The following SNX6 variants were observed in gnomAD, a reference collection of about 807,000 sequenced individuals.
SNX6 encodes sorting nexin-6.
Under a neutral mutation model 63.0 loss-of-function variants are expected in SNX6, and 34 were observed. The observed-to-expected ratio is 0.54, with a 90% CI of 0.41 to 0.72. SNX6 has a LOEUF of 0.72. Among genes scored for constraint, SNX6 ranks in the 30% least tolerant of loss-of-function variants. SNX6 has a pLI of 0.00. For synonymous variants in SNX6, 170 were observed against 164.2 expected (o/e 1.04, Z -0.27); for missense variants, 398 against 471.4 (o/e 0.84, Z 1.44).
At chr14:34,626,392 C>T (rs922341750) in intron 2 of SNX6, among the ~76,000 whole-genome samples, 4 of 151,650 alleles carry the variant, frequency 2.6e-5, no homozygotes, top group South Asian at 2.1e-4. Flanking sequence ...CGGTGGCTCA[C>T]GCCTGTAATT....
chr14:34,594,937 C>T (rs1225266235), intron 7 of SNX6, among the ~76,000 whole-genome samples: 1 of 151,790 alleles, frequency 6.6e-6, no homozygotes, highest in East Asian at 2.0e-4. Flanking sequence ...ACAAAAAATA[C>T]AAAAATTAGC....
intron 2 of SNX6, 38 bp downstream of exon 2, chr14:34,629,869 G>A: frequency 6.4e-7 from 1 of 1,551,000 alleles, no homozygotes; most frequent in Non-Finnish European, 8.7e-7. Context: ...GGGAAGGAGG[G>A]TCCAGGGTCC....
rs115416430 is a variant in SNX6, at chr14:34,615,091, T to C, written c.55-5349A>G. On this transcript the variant is annotated intron_variant, in intron 2 of 13. Coordinates refer to ENST00000362031, the MANE Select transcript of SNX6 (RefSeq NM_152233.4). Reference sequence around the variant, plus strand: ...TTTCTCTTCCATTTCCTTATCCTTCTATACTAAATATACTGTTTCCCTTTA... The same window carrying C: ...TTTCTCTTCCATTTCCTTATCCTTCCATACTAAATATACTGTTTCCCTTTA... Among the ~76,000 whole-genome samples the C allele has an allele frequency of 5.0e-3, 762 of 152,322 alleles. 5 individuals are homozygous for C. The highest frequency in any genetic ancestry group is 0.017 in the African/African-American group (722 of 41,584).
intron 11 of SNX6, among the ~76,000 whole-genome samples, chr14:34,573,046 A>G (rs774280918): frequency 2.0e-5 from 3 of 152,112 alleles, no homozygotes; most frequent in Non-Finnish European, 2.9e-5. Context: ...TACAGTGGCA[A>G]TCACGGCTCA....
chr14:34,599,085 C>G (rs1882707213), intron 6 of SNX6, among the ~76,000 whole-genome samples: 1 of 152,184 alleles, frequency 6.6e-6, no homozygotes, highest in Non-Finnish European at 1.5e-5. Context: ...TCTGCTAGCA[C>G]CCTGATCTTG....
intron 5 of SNX6, chr14:34,604,201 C>CA: frequency 7.8e-7 from 1 of 1,288,408 alleles, no homozygotes; most frequent in Non-Finnish European, 1.0e-6. Flanking sequence ...TCAGTGAAGA[C>CA]AAAAAAGAAG....
At chr14:34,604,617 T>C (rs1186980827) in intron 5 of SNX6, among the ~76,000 whole-genome samples, 2 of 152,030 alleles carry the variant, frequency 1.3e-5, no homozygotes, top group Non-Finnish European at 2.9e-5. Flanking sequence ...TAGAGAAACA[T>C]ATCCAGCAAA....
intron 2 of SNX6, among the ~76,000 whole-genome samples, chr14:34,615,701 A>G (rs868514721): frequency 1.1e-4 from 17 of 150,986 alleles, no homozygotes; most frequent in Middle Eastern, 3.5e-3. Flanking sequence ...CTACTGTCAA[A>G]CTCCTGGCTT....
At chr14:34,578,512 C>T (rs536121653) in intron 10 of SNX6, among the ~76,000 whole-genome samples, 21 of 151,734 alleles carry the variant, frequency 1.4e-4, no homozygotes, top group Middle Eastern at 3.4e-3. Context: ...TGCCTGTAAT[C>T]CCAGCTACTT....
chr14:34,594,985 G>C (rs1013521721), intron 7 of SNX6, among the ~76,000 whole-genome samples: 1 of 152,096 alleles, frequency 6.6e-6, no homozygotes, highest in Non-Finnish European at 1.5e-5. Context: ...CCAGCTACTT[G>C]GGAGGTTGAA....
intron 9 of SNX6, among the ~76,000 whole-genome samples, chr14:34,584,646 T>G (rs1413011515): frequency 6.6e-6 from 1 of 152,044 alleles, no homozygotes; most frequent in Admixed American, 6.6e-5. Context: ...ATTTATAAGC[T>G]TTATCAAAAC....
At chr14:34,601,536 G>T (rs1036537532) in intron 6 of SNX6, among the ~76,000 whole-genome samples, 2 of 150,686 alleles carry the variant, frequency 1.3e-5, no homozygotes, top group Non-Finnish European at 3.0e-5. Flanking sequence ...CTTCTTAAGA[G>T]GTTTGCAATT....
chr14:34,576,281 A>T (rs967160734), intron 10 of SNX6, among the ~76,000 whole-genome samples: 2 of 151,914 alleles, frequency 1.3e-5, no homozygotes, highest in African/African-American at 4.8e-5. Context: ...ATTATAGTTT[A>T]AAAAATTGAA....
intron 13 of SNX6, among the ~76,000 whole-genome samples, chr14:34,564,440 G>T (rs927660284): frequency 4.6e-5 from 7 of 152,138 alleles, no homozygotes; most frequent in Non-Finnish European, 8.8e-5. Context: ...ATGTCCTCTG[G>T]GGGGCAGAAT....
intron 4 of SNX6, 112 bp downstream of exon 4, chr14:34,607,908 AAAAACAAAAC>A (rs758075089): frequency 3.8e-6 from 2 of 528,230 alleles, no homozygotes; most frequent in Non-Finnish European, 6.5e-6. Flanking sequence ...ACTCCATCTC[AAAAACAAAAC>A]AAAACAAAAC....
At position 34,575,861 on chromosome 14, in the gene SNX6, T is replaced by G. The variant is rs201531487; in HGVS notation, c.835-19A>C. On this transcript the variant is annotated intron_variant, in intron 10 of 13. Transcript: ENST00000362031. ...CTATTTTCTGAAAAGAAGGAAAAAATTGAATATTTAATCAACAACTACATT... is the reference window on the plus strand; with the variant it reads ...CTATTTTCTGAAAAGAAGGAAAAAAGTGAATATTTAATCAACAACTACATT... The G allele has an allele frequency of 1.4e-6, 2 of 1,452,468 alleles. No individual in the cohort carries two copies. The highest frequency in any genetic ancestry group is 3.6e-4 in the Middle Eastern group (2 of 5,530). The allele number at this position is 1,452,468 out of a possible 1,614,324, so 90.0% of individuals were successfully genotyped here. A position where few individuals can be genotyped will look rare whatever the true frequency, so the allele number is the denominator to read the frequency against.
chr14:34,614,270 AC>A (rs370015208), intron 2 of SNX6, among the ~76,000 whole-genome samples: 1 of 151,824 alleles, frequency 6.6e-6, no homozygotes, highest in Admixed American at 6.6e-5. Flanking sequence ...CTAAAAAAAA[AC>A]CGAAAACAAT....
intron 9 of SNX6, among the ~76,000 whole-genome samples, chr14:34,585,383 G>C (rs1335662583): frequency 1.3e-5 from 2 of 151,952 alleles, no homozygotes; most frequent in South Asian, 4.1e-4. Flanking sequence ...AGCCAGGCAT[G>C]GTGGCAGGCA....
intron 5 of SNX6, among the ~76,000 whole-genome samples, chr14:34,605,175 C>T (rs193134284): frequency 6.6e-6 from 1 of 151,508 alleles, no homozygotes; most frequent in East Asian, 1.9e-4. Context: ...GGCAATATGC[C>T]CACATTGAAA....
Sources: gnomAD v4.1 joint callset for allele counts (sites outside exome capture counted in the v4.1 genomes callset) on GRCh38, gnomAD v4.1.1 for gene constraint, MANE v1.5 for transcripts, NCBI Gene and HGNC (gene_info 2026-07-23, HGNC 2026-07-21) for gene names.